MOV10L1: variants seen among roughly 807,000 people sequenced by gnomAD.
MOV10L1 encodes the protein RNA helicase Mov10l1.
Under a neutral mutation model 143.8 loss-of-function variants are expected in MOV10L1, and 110 were observed. The observed-to-expected ratio is 0.76, with a 90% CI of 0.66 to 0.90. The LOEUF (loss-of-function observed/expected upper bound fraction) is 0.90, where lower values mean the gene tolerates loss of function less well. Ranked by LOEUF, MOV10L1 falls within the 40% of genes least tolerant of loss-of-function variation. The pLI is 0.00. For synonymous variants in MOV10L1, 593 were observed against 581.1 expected (o/e 1.02, Z -0.29); for missense variants, 1,406 against 1,526.8 (o/e 0.92, Z 1.32).
intron 24 of MOV10L1, among the ~76,000 whole-genome samples, chr22:50,160,222 C>A (rs2063520591): frequency 6.6e-6 from 1 of 150,928 alleles, no homozygotes; most frequent in Non-Finnish European, 1.5e-5. Context: ...CCTTCTCCCC[C>A]TCCCCCCACC....
chr22:50,134,723 T>C, intron 15 of MOV10L1, 93 bp downstream of exon 15: 1 of 1,068,954 alleles, frequency 9.4e-7, no homozygotes, highest in South Asian at 1.3e-5. Flanking sequence ...CGTGACTGTC[T>C]CTACACAGGG....
chr22:50,095,251 C>T (rs2062559601), intron 2 of MOV10L1: 1 of 152,214 alleles, frequency 6.6e-6, no homozygotes, highest in South Asian at 2.1e-4. Flanking sequence ...GTTTCTGTTT[C>T]TACCTTATCT....
intron 2 of MOV10L1, 128 bp downstream of exon 2, chr22:50,092,313 T>G: frequency 1.2e-6 from 1 of 807,790 alleles, no homozygotes. Context: ...TTCAAGGGGA[T>G]GCTTTTGCTC....
intron 22 of MOV10L1, among the ~76,000 whole-genome samples, chr22:50,156,094 A>G (rs2063421015): frequency 6.6e-6 from 1 of 151,988 alleles, no homozygotes; most frequent in Non-Finnish European, 1.5e-5. Context: ...ATGTACACAT[A>G]ATATAAAATT....
At chr22:50,147,000 G>T in intron 19 of MOV10L1, 4 of 1,508,810 alleles carry the variant, frequency 2.7e-6, no homozygotes, top group Non-Finnish European at 3.6e-6. Flanking sequence ...GGACAGCACG[G>T]ATCTGAACAA....
At chr22:50,106,766 A>T (rs997813257) in intron 3 of MOV10L1, among the ~76,000 whole-genome samples, 1 of 148,614 alleles carries the variant, frequency 6.7e-6, no homozygotes, top group Non-Finnish European at 1.5e-5. Context: ...CAGTGGCTCA[A>T]TCTCGGCTCA....
chr22:50,152,403 G>A lies in MOV10L1; in HGVS notation c.2893-642G>A, dbSNP rs551850539. On this transcript the variant is annotated intron_variant, in intron 21 of 26. Coordinates refer to ENST00000262794, the MANE Select transcript of MOV10L1 (RefSeq NM_018995.3). The surrounding 1 kb of genome is among the most constrained non-coding windows in gnomAD (Gnocchi z 4.4). ...GACTGGTTGAACTCCTGTAGTCGCT[G>A]GAGACCCTCTCTGGCTGCTTACACC... Among the ~76,000 whole-genome samples the A allele has an allele frequency of 6.6e-6, 1 of 152,312 alleles. No homozygotes were observed. Among genetic ancestry groups the A allele is most frequent in the East Asian group, 1.9e-4 (1 of 5,182 alleles).
intron 3 of MOV10L1, among the ~76,000 whole-genome samples, chr22:50,106,876 T>A (rs2061883840): frequency 6.6e-6 from 1 of 151,438 alleles, no homozygotes; most frequent in African/African-American, 2.4e-5. Context: ...TAATTTTTTG[T>A]ATTTTTAGTA....
At chr22:50,134,784 G>C (rs542389075) in intron 15 of MOV10L1, among the ~76,000 whole-genome samples, 154 bp downstream of exon 15, 1 of 152,178 alleles carries the variant, frequency 6.6e-6, no homozygotes, top group African/African-American at 2.4e-5. Flanking sequence ...TTTCCTTCTC[G>C]GAGTATTAGC....
chr22:50,159,245 A>G lies in MOV10L1; in HGVS notation c.3217-433A>G, dbSNP rs2147030257. The stretch of plus-strand genomic sequence containing the variant: ...AATTCAGATTAGAAGAAAGCAATAA[A>G]GAATTAAAAAACAATATTGCACCTT... On this transcript the variant is annotated intron_variant, in intron 23 of 26. Coordinates refer to ENST00000262794, the MANE Select transcript of MOV10L1 (RefSeq NM_018995.3). The surrounding 1 kb of genome is among the most constrained non-coding windows in gnomAD (Gnocchi z 4.1). The G allele has an allele frequency of 6.6e-6, 1 of 152,578 alleles. No homozygotes were observed. Among genetic ancestry groups the G allele is most frequent in the South Asian group, 2.1e-4 (1 of 4,844 alleles). 9.5% of individuals were successfully genotyped at this position (152,578 alleles called of 1,614,324 possible). A position where few individuals can be genotyped will look rare whatever the true frequency, so the allele number is the denominator to read the frequency against.
Position 50,113,582 on chromosome 22 carries a change from G to A in MOV10L1, c.744-66G>A, listed in dbSNP as rs754308444. On this transcript the variant is annotated intron_variant, in intron 5 of 26. Coordinates refer to ENST00000262794, the MANE Select transcript of MOV10L1 (RefSeq NM_018995.3). The stretch of plus-strand genomic sequence containing the variant: ...CCCCACCAGCAGTCTATCCTCAGGA[G>A]CGGAGGCAGGCGAGGAAGGGGTGGT... The A allele has an allele frequency of 1.3e-5, 21 of 1,576,276 alleles. No homozygotes were observed. The African/African-American group carries it at 2.2e-4, about 16-fold the overall frequency.
At position 50,108,141 on chromosome 22, in the gene MOV10L1, G is replaced by A. The variant is rs373033037; in HGVS notation, c.448G>A (p.Glu150Lys). 32 of 1,613,254 alleles carry A rather than the reference G, an allele frequency of 2.0e-5. No individual in the cohort carries two copies. In the South Asian group the frequency reaches 3.4e-4, roughly 17 times the overall value. The change falls in exon 4 of 27, where the codon GAG (glutamate) becomes AAG (lysine). Residue 150 changes from glutamate (E) to lysine (K), a missense_variant. Glu to Lys is a moderately conservative substitution (Grantham distance 56, BLOSUM62 1). Coordinates refer to ENST00000262794, the MANE Select transcript of MOV10L1 (RefSeq NM_018995.3). ...FSLESVCEGF[E>K]PCKGDWVEAE... Reference sequence around the variant, plus strand: ...TTTTTTCCTGGCGGTTTTAGGCTTCGAGCCCTGCAAGGGAGACTGGGTGGA... The same window carrying A: ...TTTTTTCCTGGCGGTTTTAGGCTTCAAGCCCTGCAAGGGAGACTGGGTGGA...
At chr22:50,116,364 G>A (rs533489099) in intron 8 of MOV10L1, among the ~76,000 whole-genome samples, 119 of 151,378 alleles carry the variant, frequency 7.9e-4, no homozygotes, top group African/African-American at 2.7e-3. Flanking sequence ...GGAGAATGGC[G>A]TGAACCTGGG....
intron 3 of MOV10L1, among the ~76,000 whole-genome samples, chr22:50,106,520 C>T (rs369289793): frequency 5.3e-5 from 8 of 151,476 alleles, no homozygotes; most frequent in African/African-American, 1.9e-4. Context: ...AACTGTACAA[C>T]GTATAGAACT....
chr22:50,124,233 AG>A (rs1389913435), intron 10 of MOV10L1, among the ~76,000 whole-genome samples: 59 of 152,268 alleles, frequency 3.9e-4, no homozygotes, highest in African/African-American at 1.4e-3. Context: ...CAGTGCTCAT[AG>A]TCACAAATTC....
intron 18 of MOV10L1, among the ~76,000 whole-genome samples, chr22:50,145,028 C>T (rs1470832016): frequency 5.9e-5 from 9 of 152,042 alleles, no homozygotes; most frequent in Non-Finnish European, 1.2e-4. Context: ...CTGCAACCTC[C>T]GCCTCCCGGG....
At chr22:50,148,821 A>G (rs1377744431) in intron 19 of MOV10L1, among the ~76,000 whole-genome samples, 2 of 151,434 alleles carry the variant, frequency 1.3e-5, no homozygotes, top group South Asian at 2.1e-4. Flanking sequence ...CCGCCACCAC[A>G]CCCGGCTAAT....
At chr22:50,096,955 C>T (rs1256885746) in intron 2 of MOV10L1, among the ~76,000 whole-genome samples, 1 of 152,148 alleles carries the variant, frequency 6.6e-6, no homozygotes, top group Non-Finnish European at 1.5e-5. Flanking sequence ...TCCTTTGATG[C>T]ACAGATGTTT....
intron 6 of MOV10L1, 56 bp from the exon 7 acceptor site, chr22:50,114,325 G>T: frequency 6.3e-7 from 1 of 1,582,752 alleles, no homozygotes; most frequent in South Asian, 1.1e-5. Flanking sequence ...TATGATAACT[G>T]AATATTTTGG....
Sources: allele counts gnomAD v4.1 joint callset (sites outside exome capture counted in the v4.1 genomes callset), GRCh38; gene constraint gnomAD v4.1.1; non-coding constraint Gnocchi (gnomAD v3.1); transcripts MANE v1.5; gene names NCBI Gene and HGNC (gene_info 2026-07-23, HGNC 2026-07-21).